Variants in SHISA9 observed in about 807,000 individuals in gnomAD.
The protein encoded by SHISA9 is shisa family member 9.
Under a neutral mutation model 38.0 loss-of-function variants are expected in SHISA9, and 13 were observed. The observed-to-expected ratio is 0.34, with a 90% CI of 0.22 to 0.54. The LOEUF (loss-of-function observed/expected upper bound fraction) is 0.54, where lower values mean the gene tolerates loss of function less well. Among genes scored for constraint, SHISA9 ranks in the 20% least tolerant of loss-of-function variants. The pLI, the probability that SHISA9 is intolerant of heterozygous loss-of-function variation, is 0.91. For missense variants in SHISA9, 538 were observed against 575.8 expected (o/e 0.93, Z 0.67); for synonymous variants, 275 against 242.0 (o/e 1.14, Z -1.27).
At chr16:13,488,321 G>T in the SHISA9 span, among the ~76,000 whole-genome samples, 1 of 151,558 alleles carries the variant, frequency 6.6e-6, no homozygotes, top group South Asian at 2.1e-4. Flanking sequence ...CAGTGTTTTA[G>T]TTATTAATTA....
chr16:13,243,023 G>C (rs1025725079), downstream of SHISA9, among the ~76,000 whole-genome samples: 14 of 151,972 alleles, frequency 9.2e-5, no homozygotes, highest in African/African-American at 3.4e-4. Context: ...GGCAGATCAC[G>C]AGGTCAGGAG....
intron 2 of SHISA9, among the ~76,000 whole-genome samples, chr16:13,053,193 C>A (rs2073272395): frequency 6.6e-6 from 1 of 151,772 alleles, no homozygotes; most frequent in South Asian, 2.1e-4. Context: ...GAACTTCTGA[C>A]CTCCGGTGAT....
At chr16:13,257,445 G>A in the SHISA9 span, among the ~76,000 whole-genome samples, 3 of 152,176 alleles carry the variant, frequency 2.0e-5, no homozygotes, top group Non-Finnish European at 1.5e-5. Context: ...GGTGGGGACT[G>A]GGACAATATC....
chr16:13,198,435 C>T (rs781570528), intron 2 of SHISA9, among the ~76,000 whole-genome samples: 4 of 152,040 alleles, frequency 2.6e-5, no homozygotes, highest in Admixed American at 2.0e-4. Context: ...TATACACACA[C>T]GTACACACAT....
At chr16:13,469,751 C>A in the SHISA9 span, among the ~76,000 whole-genome samples, 137 of 148,010 alleles carry the variant, frequency 9.3e-4, no homozygotes, top group Non-Finnish European at 8.9e-4. Flanking sequence ...TACAGGCTGA[C>A]ACAATTAACC....
chr16:13,187,385 A>G (rs1399484979), intron 2 of SHISA9, among the ~76,000 whole-genome samples: 2 of 130,978 alleles, frequency 1.5e-5, no homozygotes, highest in Non-Finnish European at 3.1e-5. Flanking sequence ...CCCAGGCTGG[A>G]GTGCAGTGGC....
chr16:13,541,473 C>T, the SHISA9 span, among the ~76,000 whole-genome samples: 3 of 152,182 alleles, frequency 2.0e-5, no homozygotes, highest in Non-Finnish European at 4.4e-5. Context: ...GTCTACAAAC[C>T]ATTTACGAAG....
chr16:13,205,181 G>T (rs2051052412), intron 3 of SHISA9, among the ~76,000 whole-genome samples: 1 of 152,314 alleles, frequency 6.6e-6, no homozygotes, highest in South Asian at 2.1e-4. Flanking sequence ...ATAAGATTCA[G>T]ACATGGGCAT....
the SHISA9 span, among the ~76,000 whole-genome samples, chr16:13,512,929 C>T: frequency 6.6e-6 from 1 of 152,120 alleles, no homozygotes; most frequent in Non-Finnish European, 1.5e-5. Flanking sequence ...TAGGCAATAC[C>T]ATTCAGGACA....
At chr16:13,451,334 G>T in the SHISA9 span, among the ~76,000 whole-genome samples, 1 of 152,168 alleles carries the variant, frequency 6.6e-6, no homozygotes, top group Non-Finnish European at 1.5e-5. Flanking sequence ...CTGACTCAGC[G>T]TCTGCTTTGG....
At chr16:13,192,606 C>G (rs539314439) in intron 2 of SHISA9, among the ~76,000 whole-genome samples, 1 of 152,166 alleles carries the variant, frequency 6.6e-6, no homozygotes, top group East Asian at 2.0e-4. Flanking sequence ...CTGCATAGAA[C>G]AGTAAGTTCT....
chr16:12,991,990 G>A (rs2072392862), intron 2 of SHISA9, among the ~76,000 whole-genome samples: 1 of 152,272 alleles, frequency 6.6e-6, no homozygotes, highest in South Asian at 2.1e-4. Flanking sequence ...TTGCCTCAGT[G>A]TCTAGAAGGG....
At chr16:13,312,969 AC>A in the SHISA9 span, among the ~76,000 whole-genome samples, 1,020 of 152,234 alleles carry the variant, frequency 6.7e-3, 13 homozygotes, top group African/African-American at 0.023. Context: ...AATAAAAAAA[AC>A]CCAGGCCGGG....
chr16:12,974,152 A>G (rs1385414054), intron 2 of SHISA9, among the ~76,000 whole-genome samples: 1 of 152,144 alleles, frequency 6.6e-6, no homozygotes, highest in African/African-American at 2.4e-5. Flanking sequence ...GAGAACGGCA[A>G]TGAAGTCCTA....
At chr16:12,970,481 ATATATATATATATATATT>A (rs2072061328) in intron 2 of SHISA9, among the ~76,000 whole-genome samples, 1 of 20,956 alleles carries the variant, frequency 4.8e-5, no homozygotes, top group Non-Finnish European at 8.9e-5. Flanking sequence ...ATATATATAT[ATATATATATATATATATT>A]TTTTTTTTTT....
chr16:13,122,162 T>C (rs1326202629), intron 2 of SHISA9, among the ~76,000 whole-genome samples: 3 of 152,148 alleles, frequency 2.0e-5, no homozygotes, highest in Admixed American at 6.6e-5. Context: ...AAGAAGTAAA[T>C]ACACTGGGAC....
chr16:13,265,060 C>G, the SHISA9 span, among the ~76,000 whole-genome samples: 1 of 128,486 alleles, frequency 7.8e-6, no homozygotes, highest in Non-Finnish European at 1.7e-5. Flanking sequence ...CCTTCCACCC[C>G]CTTCCCCTCC....
chr16:13,234,017 A>C (rs2051357390), intron 4 of SHISA9, among the ~76,000 whole-genome samples: 1 of 152,088 alleles, frequency 6.6e-6, no homozygotes, highest in Non-Finnish European at 1.5e-5. Context: ...AATAATAATA[A>C]ATAAATAAAT....
chr16:13,073,965 T>TC (rs758193711), intron 2 of SHISA9, among the ~76,000 whole-genome samples: 115 of 130,462 alleles, frequency 8.8e-4, no homozygotes, highest in African/African-American at 3.8e-3. Context: ...TCGTTTTTTT[T>TC]TTTGTTTTTT....
Sources: allele counts gnomAD v4.1 joint callset (sites outside exome capture counted in the v4.1 genomes callset), GRCh38; gene constraint gnomAD v4.1.1; transcripts MANE v1.5; gene names NCBI Gene and HGNC (gene_info 2026-07-23, HGNC 2026-07-21).